Variants in ETNK1 observed in about 807,000 individuals in gnomAD.
ETNK1 encodes the protein putative protein product of Nbla10396.
Under a neutral mutation model 45.1 loss-of-function variants are expected in ETNK1, and 8 were observed. The observed-to-expected ratio is 0.18, with a 90% CI of 0.10 to 0.32. The LOEUF is 0.32. Among genes scored for constraint, ETNK1 ranks in the 10% least tolerant of loss-of-function variants. The pLI is 1.00. For missense variants in ETNK1, 302 were observed against 430.6 expected (o/e 0.70, Z 2.64); for synonymous variants, 152 against 151.9 (o/e 1.00, Z -0.01).
At chr12:22,667,856 A>T (rs1260668835) in intron 4 of ETNK1, among the ~76,000 whole-genome samples, 1 of 152,190 alleles carries the variant, frequency 6.6e-6, no homozygotes, top group Non-Finnish European at 1.5e-5. Flanking sequence ...AAGTACTTTA[A>T]AAATTGGCAG....
At position 22,684,963 on chromosome 12, in the gene ETNK1, T is replaced by C; in HGVS notation, c.*9T>C. On this transcript the variant is annotated 3_prime_UTR_variant, in exon 8 of 8. Transcript: ENST00000266517. ...TAAAAGTGCCTGAGTAAAGAAGAGA[T>C]TTAATTATTCTCCAGTAGCTGAGCA... The C allele has an allele frequency of 6.3e-7, 1 of 1,579,236 alleles. No individual in the cohort carries two copies. The highest frequency in any genetic ancestry group is 8.6e-7 in the Non-Finnish European group (1 of 1,161,504).
chr12:22,659,304 T>C, intron 3 of ETNK1, 150 bp downstream of exon 3: 2 of 829,964 alleles, frequency 2.4e-6, no homozygotes, highest in Non-Finnish European at 3.6e-6. Flanking sequence ...GGCTGTCAGA[T>C]AGCACTACAG....
intron 2 of ETNK1, among the ~76,000 whole-genome samples, chr12:22,644,863 A>G (rs912629300): frequency 6.6e-6 from 1 of 151,972 alleles, no homozygotes. Context: ...TCAACTTTAC[A>G]AAGCTCCTGA....
intron 1 of ETNK1, among the ~76,000 whole-genome samples, chr12:22,630,682 C>T (rs1477369218): frequency 6.6e-6 from 1 of 152,106 alleles, no homozygotes; most frequent in African/African-American, 2.4e-5. Context: ...GTGATCTCAG[C>T]TCACTGCAAC....
At chr12:22,663,412 A>G (rs1954026257) in intron 4 of ETNK1, among the ~76,000 whole-genome samples, 1 of 152,188 alleles carries the variant, frequency 6.6e-6, no homozygotes, top group Non-Finnish European at 1.5e-5. Flanking sequence ...TTAAACTTTC[A>G]TATTTTTATT....
At chr12:22,655,551 G>A (rs777948052) in intron 2 of ETNK1, among the ~76,000 whole-genome samples, 5 of 152,046 alleles carry the variant, frequency 3.3e-5, no homozygotes, top group Non-Finnish European at 7.4e-5. Context: ...TGGCCAGGCT[G>A]GTCTTGAACT....
chr12:22,653,721 T>C (rs12314129), intron 2 of ETNK1, among the ~76,000 whole-genome samples: 18,160 of 152,236 alleles, frequency 0.12, 1,219 homozygotes, highest in African/African-American at 0.18. Flanking sequence ...CTGCTGAATT[T>C]GATTTTTAGT....
intron 4 of ETNK1, among the ~76,000 whole-genome samples, chr12:22,665,834 A>AC (rs1271675234): frequency 2.6e-5 from 4 of 152,090 alleles, no homozygotes; most frequent in African/African-American, 2.4e-5. Context: ...TCCTATAACT[A>AC]CTAGTAGGTA....
At chr12:22,678,858 G>A (rs190730628) in intron 6 of ETNK1, among the ~76,000 whole-genome samples, 1 of 152,246 alleles carries the variant, frequency 6.6e-6, no homozygotes. Flanking sequence ...AACTGACAGA[G>A]TGTAGCCTGT....
chr12:22,673,788 A>C lies in ETNK1; in HGVS notation c.945+128A>C, dbSNP rs1343681949. On this transcript the variant is annotated intron_variant, in intron 6 of 7. Transcript: ENST00000266517. ...TTTTTGTTCAAAATAATGTAAATAC[A>C]TGACCATTTACAGTATGCATTACCC... 3.1e-6 allele frequency: 3 copies of C among 958,080 alleles called. No individual in the cohort carries two copies. The African/African-American group carries it at 5.0e-5, about 16-fold the overall frequency. The allele number at this position is 958,080 out of a possible 1,614,324, so 59.3% of individuals were successfully genotyped here. A position where few individuals can be genotyped will look rare whatever the true frequency, so the allele number is the denominator to read the frequency against.
chr12:22,625,193 C>G lies in ETNK1; in HGVS notation c.-238C>G. ...TCTGCGGCCGCCCGCGGTCCAGCTC[C>G]GACAACAGGAATTTTCTCCGAGAGC... On this transcript the variant is annotated 5_prime_UTR_variant, in exon 1 of 8. Coordinates refer to ENST00000266517, the MANE Select transcript of ETNK1 (RefSeq NM_018638.5). 2 of 1,608,522 alleles carry G rather than the reference C, an allele frequency of 1.2e-6. No individual in the cohort carries two copies. The highest frequency in any genetic ancestry group is 1.7e-5 in the Admixed American group (1 of 59,786).
chr12:22,667,877 G>T (rs1954069408), intron 4 of ETNK1, among the ~76,000 whole-genome samples: 1 of 151,992 alleles, frequency 6.6e-6, no homozygotes, highest in Admixed American at 6.6e-5. Context: ...AGTATTTTTA[G>T]TATACTAAGA....
At position 22,688,778 on chromosome 12, in the gene ETNK1, T is replaced by C. The variant is rs1429973005; in HGVS notation, c.*3824T>C. On this transcript the variant is annotated 3_prime_UTR_variant, in exon 8 of 8. Coordinates refer to ENST00000266517, the MANE Select transcript of ETNK1 (RefSeq NM_018638.5). ...GGTAAAGCAGCTTCATCTTTCAAAATTGATTTGCTCTGGTTTTTCTTTAGT... is the reference window on the plus strand; with the variant it reads ...GGTAAAGCAGCTTCATCTTTCAAAACTGATTTGCTCTGGTTTTTCTTTAGT... The C allele has an allele frequency of 2.0e-5, 3 of 152,062 alleles. No homozygotes were observed. Among genetic ancestry groups the C allele is most frequent in the Admixed American group, 1.3e-4 (2 of 15,262 alleles). 9.4% of individuals were successfully genotyped at this position (152,062 alleles called of 1,614,324 possible). A position where few individuals can be genotyped will look rare whatever the true frequency, so the allele number is the denominator to read the frequency against.
At chr12:22,626,228 GT>G (rs1953493892) in intron 1 of ETNK1, 1 of 146,778 alleles carries the variant, frequency 6.8e-6, no homozygotes, top group Non-Finnish European at 1.5e-5. Context: ...GCTTGTGACT[GT>G]TTCCTTTTCA....
chr12:22,655,324 G>GTTTGTTT lies in ETNK1; in HGVS notation c.417-3686_417-3680dup, dbSNP rs1565442896. On this transcript the variant is annotated intron_variant, in intron 2 of 7. Transcript: ENST00000266517. The stretch of plus-strand genomic sequence containing the variant: ...TTAGTCTATAGGATATTTGGGGTTT[G>GTTTGTTT]TTTGTTTTTTTTTTTTTTTTTTTTT... 3.5e-5 allele frequency among the ~76,000 whole-genome samples: 2 copies of GTTTGTTT among 57,730 alleles called. 1 individual carries two copies. 37.9% of individuals were successfully genotyped at this position (57,730 alleles called of 152,430 possible).
At chr12:22,673,771 C>G in intron 6 of ETNK1, 111 bp downstream of exon 6, 1 of 1,091,158 alleles carries the variant, frequency 9.2e-7, no homozygotes, top group Non-Finnish European at 1.3e-6. Context: ...AATTTTTGTT[C>G]AAAATAATGT....
intron 4 of ETNK1, among the ~76,000 whole-genome samples, chr12:22,667,507 G>A (rs574472471): frequency 6.6e-6 from 1 of 152,264 alleles, no homozygotes; most frequent in East Asian, 1.9e-4. Flanking sequence ...AATGATGAGT[G>A]CTCTGGTGAA....
chr12:22,672,491 G>T (rs1954119365), intron 5 of ETNK1, among the ~76,000 whole-genome samples: 1 of 152,066 alleles, frequency 6.6e-6, no homozygotes, highest in Non-Finnish European at 1.5e-5. Context: ...ATACATATAA[G>T]CTGTACATAT....
intron 6 of ETNK1, among the ~76,000 whole-genome samples, chr12:22,683,656 G>A (rs1485645314): frequency 6.6e-6 from 1 of 151,924 alleles, no homozygotes; most frequent in Non-Finnish European, 1.5e-5. Context: ...AATTCTTTTT[G>A]GTATACTGTG....
Sources: allele counts gnomAD v4.1 joint callset (sites outside exome capture counted in the v4.1 genomes callset), GRCh38; gene constraint gnomAD v4.1.1; transcripts MANE v1.5; gene names NCBI Gene and HGNC (gene_info 2026-07-23, HGNC 2026-07-21).